The following PRIM2 variants were observed in gnomAD, a reference collection of about 807,000 sequenced individuals.
PRIM2 encodes the protein DNA primase subunit 2.
In PRIM2, 39 loss-of-function variants were observed where a neutral mutation model predicts 67.3. That is an observed-to-expected ratio of 0.58 (90% CI 0.45 to 0.76). The LOEUF (loss-of-function observed/expected upper bound fraction) is 0.76, where lower values mean the gene tolerates loss of function less well. PRIM2 is among the 30% of genes least tolerant of loss of function. PRIM2 has a pLI of 0.00. For missense variants in PRIM2, 398 were observed against 598.7 expected (o/e 0.66, Z 3.50); for synonymous variants, 143 against 198.7 (o/e 0.72, Z 2.36).
the PRIM2 span, among the ~76,000 whole-genome samples, chr6:57,305,664 A>G: frequency 1.2e-4 from 19 of 152,290 alleles, no homozygotes; most frequent in East Asian, 2.9e-3. Context: ...AGATTCTTTT[A>G]TTAGGCTCCT....
Position 57,379,981 on chromosome 6 carries a change from C to T in PRIM2, c.540C>T (p.Phe180=), listed in dbSNP as rs762804093. ...SPSLSGLKLG[F]ESIYKIPFAD... Reference sequence around the variant, plus strand: ...GTTTAAGTGGACTTAAGTTGGGGTTCGAGTCCATTTATAAGGTATGTAAAC... The same window carrying T: ...GTTTAAGTGGACTTAAGTTGGGGTTTGAGTCCATTTATAAGGTATGTAAAC... The change falls in exon 6 of 14, where the codon TTC becomes TTT. Residue 180 remains phenylalanine, a synonymous_variant. Coordinates refer to ENST00000615550, the MANE Select transcript of PRIM2 (RefSeq NM_000947.5). 180 of 1,555,500 alleles carry T rather than the reference C, an allele frequency of 1.2e-4. No homozygotes were observed. Among genetic ancestry groups the T allele is most frequent in the Non-Finnish European group, 8.4e-5 (97 of 1,148,628 alleles).
At chr6:57,370,507 T>G (rs1204228138) in intron 5 of PRIM2, among the ~76,000 whole-genome samples, 1 of 152,156 alleles carries the variant, frequency 6.6e-6, no homozygotes, top group Non-Finnish European at 1.5e-5. Flanking sequence ...TAAATGAAGA[T>G]TTAGAATTTG....
chr6:57,251,540 T>C, the PRIM2 span, among the ~76,000 whole-genome samples: 1 of 152,206 alleles, frequency 6.6e-6, no homozygotes, highest in African/African-American at 2.4e-5. Flanking sequence ...TCTGACTACC[T>C]AGCTTGGATC....
intron 7 of PRIM2, among the ~76,000 whole-genome samples, chr6:57,447,467 C>T (rs1026167525): frequency 2.0e-5 from 3 of 152,030 alleles, no homozygotes; most frequent in Admixed American, 6.6e-5. Context: ...TTCCTGAAGA[C>T]GAGCCAAATA....
intron 5 of PRIM2, among the ~76,000 whole-genome samples, chr6:57,328,966 G>C (rs1029234985): frequency 6.6e-6 from 1 of 152,124 alleles, no homozygotes. Flanking sequence ...AGAGATGTCT[G>C]TTCAAATCCT....
chr6:57,324,136 A>G, intron 3 of PRIM2, 65 bp from the exon 4 acceptor site: 1 of 874,998 alleles, frequency 1.1e-6, no homozygotes. Flanking sequence ...AGGCTGGCTC[A>G]GTATTTCCTT....
At chr6:57,330,946 G>A (rs887244794) in intron 5 of PRIM2, among the ~76,000 whole-genome samples, 2 of 152,046 alleles carry the variant, frequency 1.3e-5, no homozygotes, top group Non-Finnish European at 2.9e-5. Flanking sequence ...ACTTTGGGAG[G>A]CCGAGGTGGG....
At chr6:57,516,565 A>T (rs1412379448) in intron 8 of PRIM2, among the ~76,000 whole-genome samples, 1 of 152,198 alleles carries the variant, frequency 6.6e-6, no homozygotes, top group Non-Finnish European at 1.5e-5. Context: ...GAAGATAGAA[A>T]ACTCTTTCCT....
the PRIM2 span, among the ~76,000 whole-genome samples, chr6:57,257,520 C>T: frequency 6.6e-6 from 1 of 152,188 alleles, no homozygotes; most frequent in African/African-American, 2.4e-5. Context: ...ATCTGCCCGC[C>T]TCGGCCTCCC....
intron 5 of PRIM2, among the ~76,000 whole-genome samples, chr6:57,352,016 T>G: frequency 6.6e-6 from 1 of 152,190 alleles, no homozygotes; most frequent in Non-Finnish European, 1.5e-5. Flanking sequence ...CTATGTAAAT[T>G]GCATAGAGCT....
chr6:57,245,813 G>A, the PRIM2 span, among the ~76,000 whole-genome samples: 1 of 152,356 alleles, frequency 6.6e-6, no homozygotes, highest in African/African-American at 2.4e-5. Context: ...TTGGGATAGT[G>A]CAGGGGATGG....
chr6:57,541,062 C>T (rs1183674111), intron 10 of PRIM2, among the ~76,000 whole-genome samples: 2 of 152,076 alleles, frequency 1.3e-5, no homozygotes, highest in Non-Finnish European at 2.9e-5. Context: ...AAATGCTTCC[C>T]CAAACCAGAG....
At chr6:57,467,856 G>T (rs1737412764) in intron 7 of PRIM2, among the ~76,000 whole-genome samples, 1 of 152,120 alleles carries the variant, frequency 6.6e-6, no homozygotes, top group Admixed American at 6.5e-5. Context: ...TCCCTTGGAA[G>T]TTGTATTCCT....
At chr6:57,463,028 G>A (rs1258561692) in intron 7 of PRIM2, among the ~76,000 whole-genome samples, 5,010 of 152,262 alleles carry the variant, frequency 0.033, 273 homozygotes, top group African/African-American at 0.11. Context: ...AGTGAGAAGT[G>A]AGCTAGCTGT....
intron 5 of PRIM2, among the ~76,000 whole-genome samples, chr6:57,331,951 G>A (rs1401301515): frequency 6.6e-6 from 1 of 150,980 alleles, no homozygotes; most frequent in South Asian, 2.1e-4. Context: ...CTTTGGTTTG[G>A]TTTGCTCTTT....
upstream of PRIM2, among the ~76,000 whole-genome samples, chr6:57,311,940 C>G (rs1411833089): frequency 2.0e-5 from 3 of 146,944 alleles, no homozygotes; most frequent in Non-Finnish European, 4.5e-5. Context: ...GAGCCCGAGG[C>G]AGGGAGGTTG....
intron 10 of PRIM2, among the ~76,000 whole-genome samples, chr6:57,550,262 G>T (rs1284260207): frequency 3.9e-5 from 6 of 152,086 alleles, no homozygotes; most frequent in Admixed American, 2.6e-4. Flanking sequence ...ATATTTTGGT[G>T]TATAATAAAG....
At chr6:57,479,202 A>G (rs1773553088) in intron 7 of PRIM2, among the ~76,000 whole-genome samples, 1 of 152,224 alleles carries the variant, frequency 6.6e-6, no homozygotes, top group Admixed American at 6.5e-5. Flanking sequence ...GTCACTAAAA[A>G]CGGAAAGAAA....
intron 5 of PRIM2, among the ~76,000 whole-genome samples, chr6:57,352,562 A>T (rs1768892695): frequency 6.6e-6 from 1 of 152,118 alleles, no homozygotes; most frequent in Non-Finnish European, 1.5e-5. Context: ...ACTTTTCTTG[A>T]CATCCTCTAA....
Sources: gnomAD v4.1 joint callset for allele counts (sites outside exome capture counted in the v4.1 genomes callset) on GRCh38, gnomAD v4.1.1 for gene constraint, MANE v1.5 for transcripts, NCBI Gene and HGNC (gene_info 2026-07-23, HGNC 2026-07-21) for gene names.